EXOC4: variants seen among roughly 807,000 people sequenced by gnomAD.
EXOC4 encodes exocyst complex component 4, also known as SEC8-like 1.
In EXOC4, 71 loss-of-function variants were observed where a neutral mutation model predicts 107.2. That is an observed-to-expected ratio of 0.66 (90% CI 0.55 to 0.81). The LOEUF is 0.81. Ranked by LOEUF, EXOC4 falls within the 30% of genes least tolerant of loss-of-function variation. The pLI is 0.00. For synonymous variants in EXOC4, 456 were observed against 441.2 expected, an observed-to-expected ratio of 1.03 and a Z score of -0.42; for missense variants, 1,108 against 1,189.6, an observed-to-expected ratio of 0.93 and a Z score of 1.01.
chr7:133,254,612 ATTACATATTGAATAATATT>A (rs1214381831), intron 1 of EXOC4, among the ~76,000 whole-genome samples: 2 of 152,208 alleles, frequency 1.3e-5, no homozygotes, highest in Middle Eastern at 3.2e-3. Flanking sequence ...TCTGGCACGT[ATTACATATTGAATAATATT>A]TGTTGACTTA....
At chr7:133,791,245 A>C (rs1796697532) in intron 10 of EXOC4, among the ~76,000 whole-genome samples, 1 of 152,226 alleles carries the variant, frequency 6.6e-6, no homozygotes, top group African/African-American at 2.4e-5. Flanking sequence ...GATAGGGTTT[A>C]CGAGTTATTT....
At chr7:133,905,456 C>T (rs568394540) in intron 12 of EXOC4, among the ~76,000 whole-genome samples, 381 of 152,284 alleles carry the variant, frequency 2.5e-3, no homozygotes, top group Non-Finnish European at 4.1e-3. Context: ...CATTAGGAAT[C>T]AGGCACTTGG....
intron 7 of EXOC4, among the ~76,000 whole-genome samples, chr7:133,381,095 A>G (rs1184440036): frequency 6.6e-6 from 1 of 152,096 alleles, no homozygotes; most frequent in African/African-American, 2.4e-5. Flanking sequence ...ACTCATCTTT[A>G]TTATTGCCCT....
At chr7:134,073,379 A>G in the EXOC4 span, among the ~76,000 whole-genome samples, 15 of 151,390 alleles carry the variant, frequency 9.9e-5, no homozygotes, top group Non-Finnish European at 5.9e-5. Context: ...CCCCCTCCCC[A>G]CACATGCCGA....
intron 11 of EXOC4, among the ~76,000 whole-genome samples, chr7:133,882,401 T>C (rs1362382388): frequency 2.6e-5 from 4 of 152,186 alleles, no homozygotes; most frequent in Non-Finnish European, 5.9e-5. Context: ...ATATAGGATG[T>C]ACTTAACTTT....
chr7:133,637,561 T>C (rs934656226), intron 10 of EXOC4, among the ~76,000 whole-genome samples: 69 of 151,772 alleles, frequency 4.5e-4, no homozygotes, highest in African/African-American at 1.6e-3. Flanking sequence ...ATATTATTCA[T>C]GCATGGGAGG....
intron 10 of EXOC4, among the ~76,000 whole-genome samples, chr7:133,706,102 C>T (rs1794763785): frequency 6.6e-6 from 1 of 152,134 alleles, no homozygotes; most frequent in Non-Finnish European, 1.5e-5. Flanking sequence ...CCTTTTCTGT[C>T]AGGTTGTGTA....
Position 133,847,459 on chromosome 7 carries a change from A to G in EXOC4, c.1734+29915A>G, listed in dbSNP as rs1477170561. On this transcript the variant is annotated intron_variant, in intron 11 of 17. Transcript: ENST00000253861. Reference sequence around the variant, plus strand: ...AGTGGCGCGGTCTCTGCTGACTGCAACTTCCACCTCCTGGGTTCAAGCGAT... The same window carrying G: ...AGTGGCGCGGTCTCTGCTGACTGCAGCTTCCACCTCCTGGGTTCAAGCGAT... Among the ~76,000 whole-genome samples, 4 of 150,818 alleles carry G rather than the reference A, an allele frequency of 2.7e-5. No homozygotes were observed. In the South Asian group the frequency reaches 6.3e-4, roughly 24 times the overall value.
intron 10 of EXOC4, among the ~76,000 whole-genome samples, chr7:133,688,366 G>A (rs1268945645): frequency 3.9e-5 from 6 of 152,090 alleles, no homozygotes; most frequent in African/African-American, 7.2e-5. Flanking sequence ...GTGAAAATAC[G>A]TATTGAAAAA....
intron 11 of EXOC4, among the ~76,000 whole-genome samples, chr7:133,872,578 TA>T (rs1328950128): frequency 1.3e-5 from 2 of 152,080 alleles, no homozygotes; most frequent in East Asian, 1.9e-4. Flanking sequence ...ACTTTTCATT[TA>T]AAAAAAATCT....
chr7:134,039,655 G>A (rs1031064939), intron 17 of EXOC4, among the ~76,000 whole-genome samples: 1 of 152,096 alleles, frequency 6.6e-6, no homozygotes, highest in Non-Finnish European at 1.5e-5. Flanking sequence ...TGCTGCCCCA[G>A]TACAATGAGC....
chr7:133,558,718 T>C (rs1340806696), intron 9 of EXOC4, among the ~76,000 whole-genome samples: 1 of 152,212 alleles, frequency 6.6e-6, no homozygotes, highest in Non-Finnish European at 1.5e-5. Context: ...GACATAGATA[T>C]AAACTGTTTT....
rs553641151 is a variant in EXOC4, at chr7:133,852,921, AAAAAC to A, written c.1734+35385_1734+35389del. ...ATGATCTAGGGACCAAAGAGTAACA[AAAAAC>A]AAAACAATAAATAAATGCACAATCG... On this transcript the variant is annotated intron_variant, in intron 11 of 17. Coordinates refer to ENST00000253861, the MANE Select transcript of EXOC4 (RefSeq NM_021807.4). Among the ~76,000 whole-genome samples, 141 of 152,370 alleles carry A rather than the reference AAAAAC, an allele frequency of 9.3e-4. 1 individual carries two copies. Among genetic ancestry groups the A allele is most frequent in the African/African-American group, 3.2e-3 (135 of 41,584 alleles).
chr7:133,824,797 G>A (rs1340609457), intron 11 of EXOC4, among the ~76,000 whole-genome samples: 2 of 152,044 alleles, frequency 1.3e-5, no homozygotes, highest in Non-Finnish European at 2.9e-5. Flanking sequence ...GTTCTCCCGT[G>A]TGTCTCCTAT....
chr7:133,659,058 G>T (rs967061850), intron 10 of EXOC4, among the ~76,000 whole-genome samples: 12 of 128,388 alleles, frequency 9.3e-5, no homozygotes, highest in Admixed American at 1.7e-4. Flanking sequence ...AAAAGGGGCT[G>T]GTTTCTCCAA....
chr7:133,810,835 A>G (rs1488008162), intron 10 of EXOC4, among the ~76,000 whole-genome samples: 2 of 151,846 alleles, frequency 1.3e-5, no homozygotes, highest in African/African-American at 2.4e-5. Context: ...GGGTTTTACC[A>G]TGTTAGCCAG....
At chr7:133,673,799 T>G (rs1057137470) in intron 10 of EXOC4, among the ~76,000 whole-genome samples, 3 of 152,254 alleles carry the variant, frequency 2.0e-5, no homozygotes, top group African/African-American at 7.2e-5. Context: ...CAATAATTAC[T>G]ATGGCATTCT....
chr7:133,744,222 T>C (rs998351415), intron 10 of EXOC4, among the ~76,000 whole-genome samples: 2 of 152,098 alleles, frequency 1.3e-5, no homozygotes, highest in Admixed American at 1.3e-4. Context: ...AAGATATTTA[T>C]TGAGCACCTA....
At chr7:133,976,233 A>G (rs1793829255) in intron 14 of EXOC4, among the ~76,000 whole-genome samples, 1 of 152,162 alleles carries the variant, frequency 6.6e-6, no homozygotes, top group Non-Finnish European at 1.5e-5. Context: ...AGTGAATATA[A>G]TGTTAAGAAA....
Sources: allele counts gnomAD v4.1 joint callset (sites outside exome capture counted in the v4.1 genomes callset), GRCh38; gene constraint gnomAD v4.1.1; transcripts MANE v1.5; gene names NCBI Gene and HGNC (gene_info 2026-07-23, HGNC 2026-07-21).